Variants in GPC6 observed in about 807,000 individuals in gnomAD.
The protein encoded by GPC6 is glypican-6.
GPC6 carries 14 observed loss-of-function variants against 55.2 expected under a neutral mutation model. The ratio of observed to expected loss-of-function variants is 0.25; its 90% CI spans 0.17 to 0.40. The LOEUF (loss-of-function observed/expected upper bound fraction) is 0.40. Among genes scored for constraint, GPC6 ranks in the 10% least tolerant of loss-of-function variants. GPC6 has a pLI of 1.00. For synonymous variants in GPC6, 278 were observed against 259.6 expected (o/e 1.07, Z -0.68); for missense variants, 641 against 708.5 (o/e 0.90, Z 1.08).
chr13:94,007,349 C>T (rs1882063172), intron 3 of GPC6, among the ~76,000 whole-genome samples: 1 of 152,214 alleles, frequency 6.6e-6, no homozygotes, highest in South Asian at 2.1e-4. Context: ...ACAGTGAAGA[C>T]AGCAGGAGGA....
At chr13:93,931,042 G>C (rs1160451379) in intron 3 of GPC6, among the ~76,000 whole-genome samples, 1 of 152,026 alleles carries the variant, frequency 6.6e-6, no homozygotes, top group Non-Finnish European at 1.5e-5. Context: ...TATCACTAGG[G>C]CAGCACCAAA....
At chr13:93,241,746 C>T (rs1876436803) in intron 1 of GPC6, among the ~76,000 whole-genome samples, 1 of 151,932 alleles carries the variant, frequency 6.6e-6, no homozygotes, top group African/African-American at 2.4e-5. Flanking sequence ...TTTCATATTG[C>T]CAGAATTATT....
At chr13:93,887,223 A>G (rs1875394108) in intron 3 of GPC6, among the ~76,000 whole-genome samples, 1 of 152,128 alleles carries the variant, frequency 6.6e-6, no homozygotes, top group Non-Finnish European at 1.5e-5. Flanking sequence ...TTTTTAACAT[A>G]GCAATAAAAT....
chr13:93,485,996 T>C (rs1382585746), intron 1 of GPC6, among the ~76,000 whole-genome samples: 1 of 152,136 alleles, frequency 6.6e-6, no homozygotes, highest in Non-Finnish European at 1.5e-5. Context: ...CTGGGAAATA[T>C]GTACACTTTA....
chr13:93,832,399 G>A (rs532532299), intron 3 of GPC6, among the ~76,000 whole-genome samples: 15 of 152,092 alleles, frequency 9.9e-5, no homozygotes, highest in African/African-American at 3.6e-4. Flanking sequence ...CACAGAGGCT[G>A]CAAGCTGAAG....
intron 4 of GPC6, among the ~76,000 whole-genome samples, chr13:94,217,380 CTCTT>C (rs1890256809): frequency 6.6e-6 from 1 of 152,244 alleles, no homozygotes; most frequent in African/African-American, 2.4e-5. Flanking sequence ...GGAATGTTGT[CTCTT>C]TATATCCCAT....
At chr13:94,063,372 T>C (rs1884402228) in intron 4 of GPC6, among the ~76,000 whole-genome samples, 1 of 152,218 alleles carries the variant, frequency 6.6e-6, no homozygotes, top group Admixed American at 6.5e-5. Flanking sequence ...GGGAGGGCTG[T>C]TATGTTTTAC....
At chr13:94,110,869 T>C (rs947625505) in intron 4 of GPC6, among the ~76,000 whole-genome samples, 2 of 152,130 alleles carry the variant, frequency 1.3e-5, no homozygotes, top group African/African-American at 4.8e-5. Context: ...GAATTTTTGT[T>C]TATTTATTTT....
intron 3 of GPC6, among the ~76,000 whole-genome samples, chr13:93,982,676 A>C (rs1425634593): frequency 6.6e-6 from 1 of 152,142 alleles, no homozygotes; most frequent in African/African-American, 2.4e-5. Flanking sequence ...CAAAAATAAC[A>C]ATGGCTTAAA....
Position 93,835,676 on chromosome 13 carries a change from C to T in GPC6, c.711+5131C>T, listed in dbSNP as rs532942117. Among the ~76,000 whole-genome samples the T allele has an allele frequency of 9.2e-5, 14 of 152,176 alleles. No individual in the cohort carries two copies. The East Asian group carries it at 9.7e-4, about 11-fold the overall frequency. On this transcript the variant is annotated intron_variant, in intron 3 of 8. Coordinates refer to ENST00000377047, the MANE Select transcript of GPC6 (RefSeq NM_005708.5). ...CTGAAGCAGGAGAATCGCTTGAACC[C>T]GGGAGGCAGAGGTTGCAGTGAGCCA... is the stretch of plus-strand genomic sequence containing the variant.
chr13:93,833,061 AGATG>A (rs370453050), intron 3 of GPC6, among the ~76,000 whole-genome samples: 29 of 146,296 alleles, frequency 2.0e-4, no homozygotes, highest in Admixed American at 4.7e-4. Context: ...GTAGAGAGAT[AGATG>A]GATGGATGGA....
At position 94,272,547 on chromosome 13, in the gene GPC6, CA is replaced by C. The variant is rs1246656781; in HGVS notation, c.878-13800del. Among the ~76,000 whole-genome samples the C allele has an allele frequency of 5.5e-5, 8 of 145,584 alleles. No individual in the cohort carries two copies. In the Admixed American group the frequency reaches 5.6e-4, roughly 10 times the overall value. On this transcript the variant is annotated intron_variant, in intron 4 of 8. Coordinates refer to ENST00000377047, the MANE Select transcript of GPC6 (RefSeq NM_005708.5). ...GCAGTGGTGCCATCTCAGCTCACTG[CA>C]AGCTCCGCCTCCCAGGTTCATGCCA...
chr13:93,832,144 T>TATATATAA (rs1467780054), intron 3 of GPC6, among the ~76,000 whole-genome samples: 23 of 100,796 alleles, frequency 2.3e-4, no homozygotes, highest in Non-Finnish European at 3.9e-4. Context: ...TATATATATA[T>TATATATAA]AATGTCCTTA....
At chr13:93,632,389 C>T (rs1019870485) in intron 2 of GPC6, among the ~76,000 whole-genome samples, 3 of 151,870 alleles carry the variant, frequency 2.0e-5, no homozygotes, top group African/African-American at 7.3e-5. Flanking sequence ...GCAGGTGGAT[C>T]GCTTGAGCCC....
chr13:94,280,528 A>G lies in GPC6; in HGVS notation c.878-5821A>G, dbSNP rs1594127392. ...TCAGCGTGCCTGTCTCCAGCACTCCACAGGAGACAGCAGTGCCCCTAGTTA... is the reference window on the plus strand; with the variant it reads ...TCAGCGTGCCTGTCTCCAGCACTCCGCAGGAGACAGCAGTGCCCCTAGTTA... On this transcript the variant is annotated intron_variant, in intron 4 of 8. Coordinates refer to ENST00000377047, the MANE Select transcript of GPC6 (RefSeq NM_005708.5). Among the ~76,000 whole-genome samples, 3 of 152,334 alleles carry G rather than the reference A, an allele frequency of 2.0e-5. 1 individual carries two copies. Among genetic ancestry groups the G allele is most frequent in the Middle Eastern group, 6.8e-3 (2 of 294 alleles).
chr13:93,553,749 T>C (rs2139446677), intron 2 of GPC6, among the ~76,000 whole-genome samples: 1 of 148,118 alleles, frequency 6.8e-6, no homozygotes, highest in South Asian at 2.2e-4. Flanking sequence ...AAGATGATCA[T>C]TGTTGAAGCT....
At chr13:93,945,485 G>A (rs987185237) in intron 3 of GPC6, among the ~76,000 whole-genome samples, 1 of 152,202 alleles carries the variant, frequency 6.6e-6, no homozygotes, top group Non-Finnish European at 1.5e-5. Flanking sequence ...TTGGCAAGGT[G>A]AAGCGCAGGC....
intron 1 of GPC6, among the ~76,000 whole-genome samples, chr13:93,262,844 T>C (rs1273013556): frequency 2.0e-5 from 3 of 152,142 alleles, no homozygotes; most frequent in Non-Finnish European, 4.4e-5. Flanking sequence ...AGGCTCTTGA[T>C]GCCATTGCAA....
chr13:93,595,271 T>C (rs1877673849), intron 2 of GPC6, among the ~76,000 whole-genome samples: 1 of 152,214 alleles, frequency 6.6e-6, no homozygotes, highest in Admixed American at 6.5e-5. Flanking sequence ...GAGCATTATA[T>C]GAATTACAAT....
Sources: allele counts gnomAD v4.1 joint callset (sites outside exome capture counted in the v4.1 genomes callset), GRCh38; gene constraint gnomAD v4.1.1; transcripts MANE v1.5; gene names NCBI Gene and HGNC (gene_info 2026-07-23, HGNC 2026-07-21).